The following SLC8A1 variants were observed in gnomAD, a reference collection of about 807,000 sequenced individuals.
SLC8A1 encodes sodium/calcium exchanger 1.
SLC8A1 carries 18 observed loss-of-function variants against 68.3 expected under a neutral mutation model. The ratio of observed to expected loss-of-function variants is 0.26; its 90% CI spans 0.18 to 0.39. The LOEUF (loss-of-function observed/expected upper bound fraction) is 0.39. SLC8A1 is among the 10% of genes least tolerant of loss of function. The probability of loss-of-function intolerance (pLI) is 1.00; values close to 1 mark genes in which losing one functional copy is unlikely to be tolerated. For missense variants in SLC8A1, 985 were observed against 1,156.7 expected, an observed-to-expected ratio of 0.85 and a Z score of 2.15; for synonymous variants, 475 against 415.5, an observed-to-expected ratio of 1.14 and a Z score of -1.74.
At chr2:40,430,462 A>G (rs1247463120) in intron 1 of SLC8A1, among the ~76,000 whole-genome samples, 158 bp from the exon 2 acceptor site, 2 of 152,148 alleles carry the variant, frequency 1.3e-5, no homozygotes, top group Non-Finnish European at 2.9e-5. Context: ...ACCATCACAA[A>G]ATCTATGGTG....
intron 1 of SLC8A1, among the ~76,000 whole-genome samples, chr2:40,463,839 TACACACACACACAC>T (rs761954909): frequency 0.015 from 1,904 of 123,392 alleles, 43 homozygotes; most frequent in African/African-American, 0.049. Context: ...CACACACACA[TACACACACACACAC>T]ACACACACAC....
intron 2 of SLC8A1, among the ~76,000 whole-genome samples, chr2:40,299,737 G>A (rs2071083152): frequency 1.3e-5 from 2 of 152,148 alleles, no homozygotes; most frequent in African/African-American, 4.8e-5. Context: ...CCTCCAAAGT[G>A]GAAATGCAGT....
At chr2:40,313,249 C>A (rs1020045102) in intron 2 of SLC8A1, among the ~76,000 whole-genome samples, 1 of 152,070 alleles carries the variant, frequency 6.6e-6, no homozygotes, top group African/African-American at 2.4e-5. Flanking sequence ...TTTTAAGAGT[C>A]ATCCATGTTG....
intron 1 of SLC8A1, among the ~76,000 whole-genome samples, chr2:40,440,304 A>G (rs964138794): frequency 6.6e-6 from 1 of 152,166 alleles, no homozygotes; most frequent in Non-Finnish European, 1.5e-5. Context: ...GAATTTATCT[A>G]TCACAAAGGT....
chr2:40,400,146 G>T (rs1477666558), intron 2 of SLC8A1, among the ~76,000 whole-genome samples: 1 of 152,178 alleles, frequency 6.6e-6, no homozygotes, highest in Non-Finnish European at 1.5e-5. Flanking sequence ...GACAGGAATT[G>T]CTCACTCGGT....
intron 1 of SLC8A1, among the ~76,000 whole-genome samples, chr2:40,492,143 G>C (rs1705356118): frequency 6.6e-6 from 1 of 152,144 alleles, no homozygotes; most frequent in Middle Eastern, 3.4e-3. Flanking sequence ...TACCAAAACA[G>C]AGATATAGAT....
intron 2 of SLC8A1, 101 bp downstream of exon 2, chr2:40,428,372 C>T (rs1371845202): frequency 5.0e-6 from 7 of 1,412,500 alleles, no homozygotes; most frequent in Non-Finnish European, 6.4e-6. Context: ...TCCTTGCATG[C>T]TATTTAATTT....
At chr2:40,131,980 C>A (rs1220345172) in intron 7 of SLC8A1, among the ~76,000 whole-genome samples, 1 of 144,214 alleles carries the variant, frequency 6.9e-6, no homozygotes, top group African/African-American at 2.6e-5. Flanking sequence ...AGAACTGGAT[C>A]TTGATTCATT....
chr2:40,393,741 C>T (rs1191774210), intron 2 of SLC8A1, among the ~76,000 whole-genome samples: 1 of 152,076 alleles, frequency 6.6e-6, no homozygotes. Flanking sequence ...CAATTAGATA[C>T]TACAGTTGGA....
chr2:40,255,515 C>T (rs1003268551), intron 2 of SLC8A1, among the ~76,000 whole-genome samples: 3 of 152,164 alleles, frequency 2.0e-5, no homozygotes, highest in Non-Finnish European at 4.4e-5. Context: ...AGAAAGTGTT[C>T]TGGACTAAGT....
At position 40,487,998 on chromosome 2, in the gene SLC8A1, A is replaced by C. The variant is rs143791460; in HGVS notation, c.-25+24351T>G. 3.7e-3 allele frequency among the ~76,000 whole-genome samples: 569 copies of C among 152,240 alleles called. 5 individuals are homozygous for C. Among genetic ancestry groups the C allele is most frequent in the African/African-American group, 0.013 (522 of 41,556 alleles). ...TTTAAAAATAATCATAAGTGGGGTT[A>C]AAAAGTTTAAAGCCAGCTGACTGAA... On this transcript the variant is annotated intron_variant, in intron 1 of 7. Transcript: ENST00000402441.
chr2:40,337,393 G>A (rs373009394), intron 2 of SLC8A1: 131 of 296,936 alleles, frequency 4.4e-4, no homozygotes, highest in African/African-American at 2.7e-3. Context: ...CTCACCCGAG[G>A]ACCCTAAATT....
chr2:40,492,259 T>A (rs1427616517), intron 1 of SLC8A1, among the ~76,000 whole-genome samples: 2 of 152,118 alleles, frequency 1.3e-5, no homozygotes, highest in South Asian at 2.1e-4. Flanking sequence ...TTCCCTATTT[T>A]ATAAATCGTG....
Position 40,170,362 on chromosome 2 carries a change from C to A in SLC8A1, c.1930+4463G>T. The stretch of plus-strand genomic sequence containing the variant: ...AAGACAGGTTGGCCTAGCAAAAGGA[C>A]AGGCAGAAAAATCAGCAGAATGGAT... On this transcript the variant is annotated intron_variant, in intron 4 of 7. Transcript: ENST00000406785. The A allele has an allele frequency of 2.5e-6, 4 of 1,613,082 alleles. No homozygotes were observed. The highest frequency in any genetic ancestry group is 3.4e-6 in the Non-Finnish European group (4 of 1,179,130).
chr2:40,366,716 T>C (rs1024666642), intron 2 of SLC8A1, among the ~76,000 whole-genome samples: 3 of 151,886 alleles, frequency 2.0e-5, no homozygotes, highest in Non-Finnish European at 4.4e-5. Flanking sequence ...TTACTATCTC[T>C]GTTCCATACA....
chr2:40,459,511 C>A (rs925290843), intron 1 of SLC8A1, among the ~76,000 whole-genome samples: 9 of 152,154 alleles, frequency 5.9e-5, no homozygotes, highest in African/African-American at 2.2e-4. Flanking sequence ...CGTTTTGGAG[C>A]ATATTCATAT....
chr2:40,199,444 T>G (rs2053720751), intron 2 of SLC8A1, among the ~76,000 whole-genome samples: 1 of 151,602 alleles, frequency 6.6e-6, no homozygotes, highest in African/African-American at 2.4e-5. Flanking sequence ...TAAATATTGT[T>G]TGTCTGTACT....
chr2:40,334,381 A>G (rs556541633), intron 2 of SLC8A1, among the ~76,000 whole-genome samples: 7 of 152,324 alleles, frequency 4.6e-5, no homozygotes, highest in African/African-American at 1.7e-4. Flanking sequence ...TTATATAGAC[A>G]TGACTTAAGT....
intron 2 of SLC8A1, among the ~76,000 whole-genome samples, chr2:40,347,758 G>C (rs1669803880): frequency 6.6e-6 from 1 of 152,128 alleles, no homozygotes; most frequent in Non-Finnish European, 1.5e-5. Context: ...CAAACTCCAA[G>C]TTTTAATGAC....
Sources: gnomAD v4.1 joint callset for allele counts (sites outside exome capture counted in the v4.1 genomes callset) on GRCh38, gnomAD v4.1.1 for gene constraint, MANE v1.5 for transcripts, NCBI Gene and HGNC (gene_info 2026-07-23, HGNC 2026-07-21) for gene names.